The following TECPR2 variants were observed in gnomAD, a reference collection of about 807,000 sequenced individuals.
TECPR2 encodes the protein tectonin beta-propeller repeat containing 2, also known as tectonin beta-propeller repeat-containing protein 2.
Under a neutral mutation model 138.1 loss-of-function variants are expected in TECPR2, and 65 were observed. The observed-to-expected ratio is 0.47, with a 90% CI of 0.39 to 0.58. TECPR2 has a LOEUF of 0.58. Among genes scored for constraint, TECPR2 ranks in the 20% least tolerant of loss-of-function variants. The pLI is 0.00. For synonymous variants in TECPR2, 746 were observed against 749.8 expected, an observed-to-expected ratio of 0.99 and a Z score of 0.08; for missense variants, 1,553 against 1,824.5, an observed-to-expected ratio of 0.85 and a Z score of 2.71.
At chr14:102,464,310 T>C (rs1890493388) in intron 16 of TECPR2, among the ~76,000 whole-genome samples, 1 of 152,208 alleles carries the variant, frequency 6.6e-6, no homozygotes, top group African/African-American at 2.4e-5. Flanking sequence ...AAAAAACTCT[T>C]CCCATTTCCT....
At chr14:102,409,261 T>G (rs1033170474) in intron 4 of TECPR2, among the ~76,000 whole-genome samples, 3 of 152,148 alleles carry the variant, frequency 2.0e-5, no homozygotes, top group African/African-American at 7.2e-5. Context: ...TTTCTTTTTC[T>G]TATTTGTAGC....
At position 102,428,297 on chromosome 14, in the gene TECPR2, G is replaced by GTGC. The variant is rs1567336512; in HGVS notation, c.1000_1002dup (p.Cys334dup). The GTGC allele has an allele frequency of 6.3e-7, 1 of 1,587,790 alleles. No homozygotes were observed. On this transcript the variant is annotated inframe_insertion, in exon 7 of 20. Coordinates refer to ENST00000359520, the MANE Select transcript of TECPR2 (RefSeq NM_014844.5). ...GATCCGGTGATATTGTGTCTGTTTC[G>GTGC]TGCACAGAAAATGAAATATTTTTCT...
At chr14:102,447,611 T>C (rs746325862) in intron 13 of TECPR2, among the ~76,000 whole-genome samples, 2 of 152,108 alleles carry the variant, frequency 1.3e-5, no homozygotes, top group Non-Finnish European at 1.5e-5. Context: ...CTCGGCTCAC[T>C]GCAACCTCCG....
chr14:102,484,252 T>C (rs2139790111), intron 17 of TECPR2, among the ~76,000 whole-genome samples: 1 of 152,306 alleles, frequency 6.6e-6, no homozygotes. Flanking sequence ...TGATCACATG[T>C]TTAATTTCTG....
intron 18 of TECPR2, 141 bp from the exon 19 acceptor site, chr14:102,497,429 G>T (rs967666178): frequency 1.6e-6 from 2 of 1,226,506 alleles, no homozygotes; most frequent in Admixed American, 6.4e-5. Context: ...CTCGGCTCCT[G>T]CCCCAAGCCC....
At chr14:102,410,098 T>A (rs1348843337) in intron 4 of TECPR2, among the ~76,000 whole-genome samples, 1 of 152,216 alleles carries the variant, frequency 6.6e-6, no homozygotes, top group Non-Finnish European at 1.5e-5. Context: ...CGTGAGCCAC[T>A]GCGCCTGGCT....
At chr14:102,440,189 G>A (rs1889790885) in intron 10 of TECPR2, among the ~76,000 whole-genome samples, 1 of 152,174 alleles carries the variant, frequency 6.6e-6, no homozygotes. Context: ...AGGTGGAGAT[G>A]ATCCCCACGG....
At chr14:102,444,988 G>A (rs1327269775) in intron 12 of TECPR2, among the ~76,000 whole-genome samples, 5 of 152,194 alleles carry the variant, frequency 3.3e-5, no homozygotes, top group Non-Finnish European at 7.3e-5. Flanking sequence ...CAAAAAGCCA[G>A]AATGGTGCTA....
intron 2 of TECPR2, among the ~76,000 whole-genome samples, chr14:102,383,514 T>C (rs1387362978): frequency 6.6e-6 from 1 of 151,958 alleles, no homozygotes; most frequent in African/African-American, 2.4e-5. Context: ...TTCAAGTGAT[T>C]CTCCTGCTTC....
chr14:102,476,366 TAAA>T (rs772790942), intron 17 of TECPR2, among the ~76,000 whole-genome samples: 1 of 110,454 alleles, frequency 9.1e-6, no homozygotes, highest in Non-Finnish European at 1.9e-5. Context: ...ACCCTGCCTC[TAAA>T]AAAAAAAAAA....
intron 2 of TECPR2, among the ~76,000 whole-genome samples, chr14:102,398,072 C>CA (rs560266373): frequency 0.043 from 1,928 of 44,882 alleles, 43 homozygotes; most frequent in Non-Finnish European, 0.051. Context: ...GATTCTGTCT[C>CA]AAAAAAAAAA....
chr14:102,494,169 G>C (rs752963185), intron 17 of TECPR2, among the ~76,000 whole-genome samples: 1 of 152,186 alleles, frequency 6.6e-6, no homozygotes, highest in Non-Finnish European at 1.5e-5. Flanking sequence ...TGTGGAGTGA[G>C]CGACCAAAGG....
intron 1 of TECPR2, among the ~76,000 whole-genome samples, chr14:102,370,777 C>A (rs751761394): frequency 2.0e-5 from 3 of 152,090 alleles, no homozygotes; most frequent in Non-Finnish European, 4.4e-5. Context: ...ATGAGCTGGG[C>A]ACCAGAGAGA....
At chr14:102,424,562 T>C (rs1042456714) in intron 5 of TECPR2, among the ~76,000 whole-genome samples, 3 of 152,260 alleles carry the variant, frequency 2.0e-5, no homozygotes, top group Non-Finnish European at 4.4e-5. Context: ...CTCAAACTCT[T>C]GACCTCAGAT....
At chr14:102,433,183 CTT>C (rs527522602) in intron 8 of TECPR2, among the ~76,000 whole-genome samples, 1 of 143,816 alleles carries the variant, frequency 7.0e-6, no homozygotes. Flanking sequence ...GAATTTTTTT[CTT>C]TTTTTTTTTC....
chr14:102,413,474 G>A (rs534325863), intron 4 of TECPR2, among the ~76,000 whole-genome samples: 5 of 151,808 alleles, frequency 3.3e-5, no homozygotes, highest in Admixed American at 3.3e-4. Flanking sequence ...TTGCCTCTGG[G>A]TTCAAGTGAT....
At chr14:102,411,680 A>G (rs1888869565) in intron 4 of TECPR2, among the ~76,000 whole-genome samples, 1 of 120,888 alleles carries the variant, frequency 8.3e-6, no homozygotes. Context: ...ACCCAGGTGA[A>G]ATAAACAGCC....
At position 102,408,633 on chromosome 14, in the gene TECPR2, C is replaced by T. The variant is rs748501457; in HGVS notation, c.480+14C>T. On this transcript the variant is annotated intron_variant, in intron 4 of 19. Coordinates refer to ENST00000359520, the MANE Select transcript of TECPR2 (RefSeq NM_014844.5). ...GATCTAGACCAGGTAAAATTATTTT[C>T]AGAAATACTGTTGGCTCTTACCTTC... 4.4e-6 allele frequency: 7 copies of T among 1,595,770 alleles called. No homozygotes were observed. In the East Asian group the frequency reaches 9.0e-5, roughly 20 times the overall value.
chr14:102,407,085 C>G (rs2139692949), intron 2 of TECPR2, among the ~76,000 whole-genome samples: 1 of 152,332 alleles, frequency 6.6e-6, no homozygotes, highest in African/African-American at 2.4e-5. Context: ...GTCTCGAACT[C>G]CTGACCTCAG....
Sources: allele counts gnomAD v4.1 joint callset (sites outside exome capture counted in the v4.1 genomes callset), GRCh38; gene constraint gnomAD v4.1.1; transcripts MANE v1.5; gene names NCBI Gene and HGNC (gene_info 2026-07-23, HGNC 2026-07-21).